PDGFRA: variants seen among roughly 807,000 people sequenced by gnomAD.
PDGFRA encodes platelet-derived growth factor receptor alpha.
PDGFRA carries 25 observed loss-of-function variants against 121.5 expected under a neutral mutation model. The observed-to-expected ratio is 0.21, with a 90% CI of 0.15 to 0.29. The LOEUF (loss-of-function observed/expected upper bound fraction) is 0.29. Among genes scored for constraint, PDGFRA ranks in the 10% least tolerant of loss-of-function variants. PDGFRA has a pLI of 1.00. For synonymous variants in PDGFRA, 463 were observed against 494.8 expected (o/e 0.94, Z 0.85); for missense variants, 1,008 against 1,345.1 (o/e 0.75, Z 3.92).
rs765476521 is a variant in PDGFRA, at chr4:54,290,515, T to C, written c.3083T>C (p.Val1028Ala). ...ATTCCTCTGCCTGACATTGACCCTG[T>C]CCCTGAGGAGGAGGACCTGGGCAAG... ...YIIPLPDIDP[V>A]PEEEDLGKRN... Residue 1028 changes from valine (V) to alanine (A), a missense_variant, in exon 22 of 23, where the codon GTC becomes GCC. Physicochemically the swap from Val to Ala is moderately conservative, Grantham distance 64 (BLOSUM62 0). Around this residue, in one of 5 missense-constraint regions of PDGFRA, gnomAD observed 204 missense variants for 243.0 expected, o/e 0.84. Coordinates refer to ENST00000257290, the MANE Select transcript of PDGFRA (RefSeq NM_006206.6). The C allele has an allele frequency of 2.2e-5, 36 of 1,614,046 alleles. No individual in the cohort carries two copies. The highest frequency in any genetic ancestry group is 2.9e-5 in the Non-Finnish European group (34 of 1,180,016).
At chr4:54,278,152 T>C (rs930669345) in intron 14 of PDGFRA, 146 bp downstream of exon 14, 8 of 726,786 alleles carry the variant, frequency 1.1e-5, no homozygotes, top group Middle Eastern at 7.5e-4. Flanking sequence ...GTCCCTTGAA[T>C]TGATGGAAGC....
At chr4:54,251,173 G>A (rs998558850) in intron 1 of PDGFRA, among the ~76,000 whole-genome samples, 20 of 151,904 alleles carry the variant, frequency 1.3e-4, no homozygotes, top group African/African-American at 4.8e-4. Context: ...ATATTCATAA[G>A]GAATGTGGCC....
Position 54,264,921 on chromosome 4 carries a change from A to G in PDGFRA, c.631A>G (p.Thr211Ala), listed in dbSNP as rs1170188252. The G allele has an allele frequency of 6.2e-7, 1 of 1,612,986 alleles. No homozygotes were observed. Among genetic ancestry groups the G allele is most frequent in the Non-Finnish European group, 8.5e-7 (1 of 1,179,200 alleles). Residue 211 changes from threonine (T) to alanine (A), a missense_variant and splice_region_variant, in exon 5 of 23, where the codon ACA (threonine) becomes GCA (alanine). Physicochemically the swap from Thr to Ala is moderately conservative, Grantham distance 58. Coordinates refer to ENST00000257290, the MANE Select transcript of PDGFRA (RefSeq NM_006206.6). ...IPFNVYALKA[T>A]SELDLEMEAL... ...CTTGTATTTGTTCTTTTTTATAGCA[A>G]CATCAGAGCTGGATCTAGAAATGGA...
intron 18 of PDGFRA, among the ~76,000 whole-genome samples, chr4:54,286,461 A>G (rs1215565431): frequency 6.6e-6 from 1 of 151,806 alleles, no homozygotes; most frequent in Non-Finnish European, 1.5e-5. Flanking sequence ...GGTTGAAGCA[A>G]TTCTCCTGCC....
intron 3 of PDGFRA, among the ~76,000 whole-genome samples, chr4:54,261,898 CATATATATATAT>C (rs397880252): frequency 2.1e-5 from 2 of 95,310 alleles, no homozygotes; most frequent in African/African-American, 8.1e-5. Flanking sequence ...AAAAAAGTTA[CATATATATATAT>C]ATATATATAT....
At position 54,255,514 on chromosome 4, in the gene PDGFRA, T is replaced by C. The variant is rs191318016; in HGVS notation, c.-12-3243T>C. On this transcript the variant is annotated intron_variant, in intron 1 of 22. Transcript: ENST00000257290. ...CTGAATTTCTCCCCTTTCTTTTTTT[T>C]TTTTTTTTTGAGACAGAGTCTTGCT... is the stretch of plus-strand genomic sequence containing the variant. Among the ~76,000 whole-genome samples the C allele has an allele frequency of 9.4e-3, 1,431 of 151,658 alleles. 17 individuals are homozygous for C. The highest frequency in any genetic ancestry group is 0.011 in the Non-Finnish European group (780 of 67,836).
At chr4:54,278,167 T>G in intron 14 of PDGFRA, 161 bp downstream of exon 14, 1 of 711,902 alleles carries the variant, frequency 1.4e-6, no homozygotes, top group Non-Finnish European at 2.4e-6. Context: ...GGAAGCTCAT[T>G]GGTTTTTGAG....
intron 1 of PDGFRA, among the ~76,000 whole-genome samples, chr4:54,249,565 A>G (rs1205180199): frequency 6.6e-6 from 1 of 151,646 alleles, no homozygotes; most frequent in Middle Eastern, 3.2e-3. Flanking sequence ...ATTCTCACTC[A>G]TAGGTGGGAA....
In PDGFRA at chr4:54,235,180, G is replaced by A. The variant is rs1267113555; in HGVS notation, c.-13+5765G>A. Among the ~76,000 whole-genome samples, 3 of 152,298 alleles carry A rather than the reference G, an allele frequency of 2.0e-5. No individual in the cohort carries two copies. In the South Asian group the frequency reaches 6.2e-4, roughly 32 times the overall value. On this transcript the variant is annotated intron_variant, in intron 1 of 22. Coordinates refer to ENST00000257290, the MANE Select transcript of PDGFRA (RefSeq NM_006206.6). ...CAGTTAGAATTAACTTAGGAGAGCT[G>A]AAATTAACTGAGCCTCGGAAATCTG...
At chr4:54,264,689 ATTTAT>A in intron 4 of PDGFRA, 1 of 452,734 alleles carries the variant, frequency 2.2e-6, no homozygotes, top group Non-Finnish European at 4.0e-6. Context: ...TTTGATTGGA[ATTTAT>A]TTTTATTGTT....
chr4:54,261,671 T>C (rs1313016608), intron 3 of PDGFRA, among the ~76,000 whole-genome samples: 7 of 151,810 alleles, frequency 4.6e-5, no homozygotes, highest in East Asian at 1.9e-4. Flanking sequence ...ATCTGAAATA[T>C]ACTCATCTCT....
chr4:54,282,813 T>C (rs763946034), intron 16 of PDGFRA, among the ~76,000 whole-genome samples: 4 of 152,184 alleles, frequency 2.6e-5, no homozygotes, highest in East Asian at 1.9e-4. Flanking sequence ...ACTTTCAAGA[T>C]ACAATGGGGT....
intron 16 of PDGFRA, among the ~76,000 whole-genome samples, chr4:54,282,153 G>T (rs1009570632): frequency 6.6e-6 from 1 of 152,112 alleles, no homozygotes; most frequent in Non-Finnish European, 1.5e-5. Context: ...CCTTGTGGCT[G>T]TGTGTGTGTT....
At chr4:54,246,662 A>G (rs1216031064) in intron 1 of PDGFRA, among the ~76,000 whole-genome samples, 1 of 151,954 alleles carries the variant, frequency 6.6e-6, no homozygotes, top group African/African-American at 2.4e-5. Context: ...AAGAACTAGA[A>G]AAGCAAGAGC....
chr4:54,265,805 T>A (rs1477170630), intron 5 of PDGFRA, among the ~76,000 whole-genome samples: 1 of 152,190 alleles, frequency 6.6e-6, no homozygotes, highest in Non-Finnish European at 1.5e-5. Flanking sequence ...AATGCAGGAA[T>A]GACTAATATT....
intron 8 of PDGFRA, among the ~76,000 whole-genome samples, chr4:54,271,800 CTCT>C (rs887555055): frequency 1.4e-5 from 2 of 147,528 alleles, no homozygotes; most frequent in Non-Finnish European, 1.5e-5. Flanking sequence ...CCCTCACTCT[CTCT>C]TTTCTTTGCC....
At chr4:54,256,725 G>T (rs1012543914) in intron 1 of PDGFRA, among the ~76,000 whole-genome samples, 8 of 151,768 alleles carry the variant, frequency 5.3e-5, no homozygotes, top group African/African-American at 1.9e-4. Context: ...AAGACCCCAG[G>T]ATGCGGGCCG....
At position 54,277,922 on chromosome 4, in the gene PDGFRA, G is replaced by T. The variant is rs1397203869; in HGVS notation, c.1918G>T (p.Ala640Ser). The T allele has an allele frequency of 3.7e-6, 6 of 1,613,458 alleles. No individual in the cohort carries two copies. In the South Asian group the frequency reaches 6.6e-5, roughly 18 times the overall value. ...CACGGCCAGATCCAGTGAAAAACAA[G>T]CTCTCATGTCTGAACTGAAGATAAT... ...KPTARSSEKQ[A>S]LMSELKIMTH... The change falls in exon 14 of 23, where the codon GCT becomes TCT. Residue 640 changes from alanine (A) to serine (S), a missense_variant. Physicochemically the swap from Ala to Ser is moderately conservative, Grantham distance 99. Transcript: ENST00000257290.
chr4:54,256,648 G>A (rs369416550), intron 1 of PDGFRA, among the ~76,000 whole-genome samples: 28 of 151,844 alleles, frequency 1.8e-4, no homozygotes, highest in Non-Finnish European at 3.2e-4. Context: ...TGGTTCAAGC[G>A]ATTTGCCTTA....
Sources: gnomAD v4.1 joint callset for allele counts (sites outside exome capture counted in the v4.1 genomes callset) on GRCh38, gnomAD v4.1.1 for gene constraint, gnomAD v4.1.1 regional missense constraint, MANE v1.5 for transcripts, NCBI Gene and HGNC (gene_info 2026-07-23, HGNC 2026-07-21) for gene names.